Variants in ERAP1 observed in about 807,000 individuals in gnomAD.
ERAP1 encodes endoplasmic reticulum aminopeptidase 1, also known as adipocyte-derived leucine aminopeptidase.
In ERAP1, 86 loss-of-function variants were observed where a neutral mutation model predicts 103.7. That is an observed-to-expected ratio of 0.83 (90% confidence interval 0.70 to 0.99). The LOEUF (loss-of-function observed/expected upper bound fraction) is 0.99, where lower values mean the gene tolerates loss of function less well. Ranked by LOEUF, ERAP1 falls within the 50% of genes least tolerant of loss-of-function variation. ERAP1 has a pLI of 0.00. For missense variants in ERAP1, 1,009 were observed against 1,128.4 expected, an observed-to-expected ratio of 0.89 and a Z score of 1.52; for synonymous variants, 398 against 402.4, an observed-to-expected ratio of 0.99 and a Z score of 0.13.
At chr5:96,857,816 A>G in the ERAP1 span, among the ~76,000 whole-genome samples, 1 of 152,142 alleles carries the variant, frequency 6.6e-6, no homozygotes, top group Non-Finnish European at 1.5e-5. Flanking sequence ...GGGTGAGAAA[A>G]CCTGTTTTGT....
chr5:96,822,556 GA>G, the ERAP1 span, among the ~76,000 whole-genome samples: 1 of 152,150 alleles, frequency 6.6e-6, no homozygotes, highest in Non-Finnish European at 1.5e-5. Flanking sequence ...AACTTGACTG[GA>G]CTAAGGGATG....
chr5:96,883,759 G>T, the ERAP1 span: 1 of 1,589,156 alleles, frequency 6.3e-7, no homozygotes, highest in Non-Finnish European at 8.6e-7. Context: ...GATTTCACTT[G>T]TGCATTTTGG....
At chr5:96,935,806 G>A in the ERAP1 span, 2 of 294,202 alleles carry the variant, frequency 6.8e-6, no homozygotes, top group South Asian at 5.5e-5. Flanking sequence ...CACATTTGTT[G>A]AGTGACTGAA....
Position 96,777,599 on chromosome 5 carries a change from C to A in ERAP1, c.2671-1048G>T, listed in dbSNP as rs1441865384. Among the ~76,000 whole-genome samples, 51 of 146,670 alleles carry A rather than the reference C, an allele frequency of 3.5e-4. No homozygotes were observed. The Admixed American group carries it at 3.7e-3, about 11-fold the overall frequency. ...TGCTGTAGCAACCTGGAAAACACTT[C>A]ACTCTCTACTTTAAGTTGTAGCTCA... On this transcript the variant is annotated intron_variant, in intron 18 of 18. Coordinates refer to ENST00000443439, the MANE Select transcript of ERAP1 (RefSeq NM_001040458.3).
the ERAP1 span, among the ~76,000 whole-genome samples, chr5:96,892,978 A>G: frequency 2.6e-5 from 4 of 152,128 alleles, no homozygotes; most frequent in Admixed American, 6.6e-5. Flanking sequence ...TTAAGTTAAT[A>G]ATAGTTCTGT....
In ERAP1 at chr5:96,781,921, A is replaced by G. The variant is rs1179792805; in HGVS notation, c.2286-67T>C. The G allele has an allele frequency of 7.1e-5, 104 of 1,467,524 alleles. 1 individual carries two copies. In the East Asian group the frequency reaches 2.4e-3, roughly 33 times the overall value. The allele number at this position is 1,467,524 out of a possible 1,614,324, so 90.9% of individuals were successfully genotyped here. A position where few individuals can be genotyped will look rare whatever the true frequency, so the allele number is the denominator to read the frequency against. ...AAGTATGTTTAGAGGCATAATGGTG[A>G]CTAACTATGAACTGCTGAACTTTCC... On this transcript the variant is annotated intron_variant, in intron 15 of 18. Transcript: ENST00000443439.
At chr5:96,927,718 C>A in the ERAP1 span, among the ~76,000 whole-genome samples, 1 of 152,162 alleles carries the variant, frequency 6.6e-6, no homozygotes, top group African/African-American at 2.4e-5. Flanking sequence ...AATCTCCTCA[C>A]CTCGTGATTT....
the ERAP1 span, among the ~76,000 whole-genome samples, chr5:96,864,401 G>C: frequency 6.6e-6 from 1 of 152,122 alleles, no homozygotes; most frequent in Non-Finnish European, 1.5e-5. Flanking sequence ...TCAATGTTTT[G>C]AAGATTTTAT....
At chr5:96,824,218 C>A in the ERAP1 span, among the ~76,000 whole-genome samples, 1 of 152,102 alleles carries the variant, frequency 6.6e-6, no homozygotes, top group Admixed American at 6.5e-5. Context: ...GTATTCACAC[C>A]CAATGCCTGA....
At chr5:96,831,637 A>G in the ERAP1 span, among the ~76,000 whole-genome samples, 1 of 152,204 alleles carries the variant, frequency 6.6e-6, no homozygotes, top group African/African-American at 2.4e-5. Context: ...TATCCATAGC[A>G]TCTCTCAAAG....
chr5:96,804,319 A>G (rs956867073), intron 1 of ERAP1: 4 of 319,690 alleles, frequency 1.3e-5, no homozygotes, highest in Non-Finnish European at 1.8e-5. Flanking sequence ...CATTTGGGAA[A>G]CCAGGCTCAT....
chr5:96,874,166 GAAAGAAAGAA>G, the ERAP1 span, among the ~76,000 whole-genome samples: 1 of 93,742 alleles, frequency 1.1e-5, no homozygotes, highest in Non-Finnish European at 2.2e-5. Flanking sequence ...AAGAAAGAAA[GAAAGAAAGAA>G]AGAAAGAGAG....
the ERAP1 span, among the ~76,000 whole-genome samples, chr5:96,852,630 A>C: frequency 2.0e-5 from 3 of 152,196 alleles, no homozygotes; most frequent in Non-Finnish European, 4.4e-5. Context: ...GTACTTTCCT[A>C]CTTTTGAAAG....
At chr5:96,768,025 C>A (rs779578973) in intron 19 of ERAP1, 3 of 1,404,178 alleles carry the variant, frequency 2.1e-6, no homozygotes, top group Non-Finnish European at 3.0e-6. Flanking sequence ...ACATTTCACT[C>A]TTTGAAATGT....
intron 6 of ERAP1, 122 bp from the exon 7 acceptor site, chr5:96,793,635 T>C: frequency 9.1e-7 from 1 of 1,098,872 alleles, no homozygotes; most frequent in Non-Finnish European, 1.3e-6. Flanking sequence ...AAGGTAAAAA[T>C]AAAAAAAGTT....
At chr5:96,863,384 C>T in the ERAP1 span, among the ~76,000 whole-genome samples, 3 of 152,144 alleles carry the variant, frequency 2.0e-5, no homozygotes, top group African/African-American at 7.2e-5. Context: ...TGAAGTTAAG[C>T]GGTTTCTCTC....
At chr5:96,872,593 T>C in the ERAP1 span, among the ~76,000 whole-genome samples, 1 of 152,242 alleles carries the variant, frequency 6.6e-6, no homozygotes, top group South Asian at 2.1e-4. Context: ...AGCAAGACTC[T>C]GTCCCAAAAA....
At chr5:96,929,020 T>A in the ERAP1 span, among the ~76,000 whole-genome samples, 1 of 152,070 alleles carries the variant, frequency 6.6e-6, no homozygotes, top group Non-Finnish European at 1.5e-5. Context: ...TTCAGTAAGG[T>A]GATCGCTCCC....
chr5:96,776,737 G>C (rs1774375179), intron 18 of ERAP1, 186 bp from the exon 19 acceptor site: 2 of 788,536 alleles, frequency 2.5e-6, no homozygotes, highest in African/African-American at 3.5e-5. Flanking sequence ...ATGATGTCAA[G>C]TTCTGTTTTT....
Sources: allele counts gnomAD v4.1 joint callset (sites outside exome capture counted in the v4.1 genomes callset), GRCh38; gene constraint gnomAD v4.1.1; transcripts MANE v1.5; gene names NCBI Gene and HGNC (gene_info 2026-07-23, HGNC 2026-07-21).